ATP8B4: variants seen among roughly 807,000 people sequenced by gnomAD.
ATP8B4 encodes the protein probable phospholipid-transporting ATPase IM.
In ATP8B4, 133 loss-of-function variants were observed where a neutral mutation model predicts 145.6. The ratio of observed to expected loss-of-function variants is 0.91; its 90% CI spans 0.79 to 1.05. The LOEUF (loss-of-function observed/expected upper bound fraction) is 1.05. Ranked by LOEUF, ATP8B4 falls within the 50% of genes least tolerant of loss-of-function variation. The pLI, the probability that ATP8B4 is intolerant of heterozygous loss-of-function variation, is 0.00. For missense variants in ATP8B4, 1,458 were observed against 1,425.2 expected, an observed-to-expected ratio of 1.02 and a Z score of -0.37; for synonymous variants, 507 against 492.9, an observed-to-expected ratio of 1.03 and a Z score of -0.38.
intron 3 of ATP8B4, among the ~76,000 whole-genome samples, chr15:50,071,686 G>A (rs938000719): frequency 2.0e-5 from 3 of 152,224 alleles, no homozygotes; most frequent in Admixed American, 6.5e-5. Context: ...TTCACCAGGA[G>A]AAGCTGAATG....
intron 20 of ATP8B4, chr15:49,902,007 T>C (rs756436298): frequency 1.3e-4 from 29 of 220,580 alleles, no homozygotes; most frequent in Non-Finnish European, 2.0e-4. Context: ...AGGAAGATTG[T>C]ATGGTGACAT....
chr15:50,060,750 G>T (rs1380040061), intron 3 of ATP8B4, among the ~76,000 whole-genome samples: 1 of 152,030 alleles, frequency 6.6e-6, no homozygotes, highest in Non-Finnish European at 1.5e-5. Flanking sequence ...AATCATTTCG[G>T]TTTTTGTTAA....
At chr15:50,015,929 A>G (rs2153575967) in intron 6 of ATP8B4, among the ~76,000 whole-genome samples, 1 of 152,322 alleles carries the variant, frequency 6.6e-6, no homozygotes, top group African/African-American at 2.4e-5. Flanking sequence ...ATGCTCTCTC[A>G]CCAATTTTGC....
At chr15:49,984,187 C>A (rs1483135032) in intron 10 of ATP8B4, among the ~76,000 whole-genome samples, 1 of 152,158 alleles carries the variant, frequency 6.6e-6, no homozygotes, top group Non-Finnish European at 1.5e-5. Context: ...AATAATTGAA[C>A]TTGCCTGAGA....
chr15:49,860,473 G>T lies in ATP8B4; in HGVS notation c.3300C>A (p.Ile1100=). The change falls in exon 28 of 28, where the codon ATC becomes ATA. Residue 1100 remains isoleucine, a splice_region_variant and synonymous_variant. Transcript: ENST00000284509. ...TCTTTTGAGCCTTCTGCCACCGGCGGATCTGGAGAGAAACAGACCCAAAGT... is the reference window on the plus strand; with the variant it reads ...TCTTTTGAGCCTTCTGCCACCGGCGTATCTGGAGAGAAACAGACCCAAAGT... ...VDLYPTLSDQ[I]RRWQKAQKKA... The T allele has an allele frequency of 6.2e-7, 1 of 1,607,052 alleles. No homozygotes were observed. Among genetic ancestry groups the T allele is most frequent in the South Asian group, 1.1e-5 (1 of 90,034 alleles).
chr15:50,126,841 G>C (rs74012898), intron 1 of ATP8B4, among the ~76,000 whole-genome samples: 8,546 of 151,936 alleles, frequency 0.056, 274 homozygotes, highest in African/African-American at 0.086. Context: ...GAGCTGTTTT[G>C]CAGAAACCTG....
At chr15:50,051,074 A>G (rs910454366) in intron 3 of ATP8B4, among the ~76,000 whole-genome samples, 1 of 152,132 alleles carries the variant, frequency 6.6e-6, no homozygotes, top group African/African-American at 2.4e-5. Context: ...TAGTTCCCAT[A>G]ATCCTCACAT....
At chr15:49,887,663 G>GAA (rs770772653) in intron 23 of ATP8B4, among the ~76,000 whole-genome samples, 1 of 139,044 alleles carries the variant, frequency 7.2e-6, no homozygotes, top group Non-Finnish European at 1.6e-5. Context: ...TCACAGATCA[G>GAA]AAAAAAAAAA....
At chr15:50,003,274 A>ATGTGTGTGTG (rs10539979) in intron 7 of ATP8B4, among the ~76,000 whole-genome samples, 3,137 of 141,144 alleles carry the variant, frequency 0.022, 46 homozygotes, top group East Asian at 0.072. Flanking sequence ...TAGGGTGTGC[A>ATGTGTGTGTG]TGTGTGTGTG....
intron 13 of ATP8B4, among the ~76,000 whole-genome samples, chr15:49,971,638 A>T (rs1287558167): frequency 6.6e-6 from 1 of 152,212 alleles, no homozygotes; most frequent in Admixed American, 6.5e-5. Flanking sequence ...GCTGGAGAGG[A>T]TGTAGAGAAA....
intron 1 of ATP8B4, among the ~76,000 whole-genome samples, chr15:50,173,174 C>T (rs1304626093): frequency 1.3e-5 from 2 of 151,688 alleles, no homozygotes; most frequent in South Asian, 2.1e-4. Context: ...TCTGCCCGGC[C>T]GCCACCCCGT....
chr15:49,920,475 A>G (rs2040160015), intron 17 of ATP8B4, 65 bp from the exon 18 acceptor site: 1 of 1,480,214 alleles, frequency 6.8e-7, no homozygotes, highest in Non-Finnish European at 9.0e-7. Flanking sequence ...TAACAACAAC[A>G]AAAATAATTG....
rs2039804704 is a variant in ATP8B4, at chr15:49,916,983, C to T, written c.2092G>A (p.Val698Met). 1.2e-6 allele frequency: 2 copies of T among 1,613,880 alleles called. No individual in the cohort carries two copies. Among genetic ancestry groups the T allele is most frequent in the South Asian group, 2.2e-5 (2 of 91,068 alleles). Residue 698 changes from valine to methionine, a missense_variant, in exon 20 of 28, where the codon GTG (valine) becomes ATG (methionine). By Grantham distance (21) the Val-to-Met change is conservative. Transcript: ENST00000284509. ...CNMLTDDMNDVFVIAGNNAVE... is the reference protein window; with the variant it reads ...CNMLTDDMNDMFVIAGNNAVE... The stretch of plus-strand genomic sequence containing the variant: ...GCATTATTCCCTGCTATCACAAACA[C>T]ATCATTCATGTCGTCAGTCAGCATG...
intron 9 of ATP8B4, among the ~76,000 whole-genome samples, chr15:49,992,269 C>T (rs1316946451): frequency 6.6e-6 from 1 of 152,248 alleles, no homozygotes; most frequent in East Asian, 1.9e-4. Flanking sequence ...AACTTTAGGG[C>T]CTTTACCTTA....
intron 16 of ATP8B4, among the ~76,000 whole-genome samples, chr15:49,927,635 G>A (rs924559014): frequency 5.3e-5 from 8 of 152,082 alleles, no homozygotes; most frequent in Non-Finnish European, 1.0e-4. Context: ...TCCACAGCCT[G>A]TAATGGTGAC....
At chr15:49,933,629 C>T (rs1336216208) in intron 15 of ATP8B4, among the ~76,000 whole-genome samples, 1 of 152,042 alleles carries the variant, frequency 6.6e-6, no homozygotes, top group Non-Finnish European at 1.5e-5. Flanking sequence ...GATATGCATA[C>T]TAATAATGAG....
At chr15:49,873,484 A>G (rs563077867) in intron 25 of ATP8B4, among the ~76,000 whole-genome samples, 25 of 152,336 alleles carry the variant, frequency 1.6e-4, no homozygotes, top group African/African-American at 5.8e-4. Context: ...TAAATAAGAT[A>G]AATGCTTGTG....
chr15:49,980,553 A>ATCATTT (rs2046066662), intron 11 of ATP8B4, among the ~76,000 whole-genome samples: 1 of 152,200 alleles, frequency 6.6e-6, no homozygotes, highest in Admixed American at 6.5e-5. Flanking sequence ...AGTAGAGAAT[A>ATCATTT]TCATTTCAAA....
intron 2 of ATP8B4, among the ~76,000 whole-genome samples, chr15:50,094,577 T>C (rs1370271256): frequency 2.0e-5 from 3 of 148,696 alleles, no homozygotes; most frequent in Non-Finnish European, 4.5e-5. Flanking sequence ...TATAGGTGTA[T>C]ATACACATAT....
Sources: allele counts gnomAD v4.1 joint callset (sites outside exome capture counted in the v4.1 genomes callset), GRCh38; gene constraint gnomAD v4.1.1; transcripts MANE v1.5; gene names NCBI Gene and HGNC (gene_info 2026-07-23, HGNC 2026-07-21).